The following CEP41 variants were observed in gnomAD, a reference collection of about 807,000 sequenced individuals.
The protein encoded by CEP41 is centrosomal protein 41.
In CEP41, 32 loss-of-function variants were observed where a neutral mutation model predicts 44.3. That is an observed-to-expected ratio of 0.72 (90% CI 0.54 to 0.97). The LOEUF (loss-of-function observed/expected upper bound fraction) is 0.97. CEP41 is among the 50% of genes least tolerant of loss of function. The pLI, the probability that CEP41 is intolerant of heterozygous loss-of-function variation, is 0.00. For missense variants in CEP41, 432 were observed against 455.2 expected, an observed-to-expected ratio of 0.95 and a Z score of 0.46; for synonymous variants, 151 against 168.5, an observed-to-expected ratio of 0.90 and a Z score of 0.80.
intron 2 of CEP41, among the ~76,000 whole-genome samples, chr7:130,418,393 C>T (rs1253411509): frequency 6.6e-6 from 1 of 152,216 alleles, no homozygotes; most frequent in Non-Finnish European, 1.5e-5. Context: ...CACATCTCTC[C>T]TGCCCACTGC....
At chr7:130,406,147 T>A (rs1797001845) in intron 5 of CEP41, among the ~76,000 whole-genome samples, 1 of 152,212 alleles carries the variant, frequency 6.6e-6, no homozygotes, top group South Asian at 2.1e-4. Flanking sequence ...AGTTTAAATT[T>A]TTAATACACT....
intron 1 of CEP41, among the ~76,000 whole-genome samples, chr7:130,434,034 T>C (rs1797896499): frequency 6.6e-6 from 1 of 152,206 alleles, no homozygotes; most frequent in South Asian, 2.1e-4. Context: ...GTTTTAAGGG[T>C]TGATCTTCTG....
At chr7:130,422,777 C>T (rs1797546970) in intron 2 of CEP41, among the ~76,000 whole-genome samples, 1 of 152,102 alleles carries the variant, frequency 6.6e-6, no homozygotes, top group South Asian at 2.1e-4. Flanking sequence ...AAAAGCTTTA[C>T]AAGACTAGTT....
In CEP41 at chr7:130,440,937, A is replaced by G. The variant is rs782561380; in HGVS notation, c.30T>C (p.Pro10=). The G allele has an allele frequency of 1.2e-6, 2 of 1,612,220 alleles. No homozygotes were observed. The highest frequency in any genetic ancestry group is 1.7e-6 in the Non-Finnish European group (2 of 1,179,946). ...CCGGCCGAGACCTGGCCCTCACCTCAGGGTTCCCAATGTGCCTCCGGAGGG... is the reference window on the plus strand; with the variant it reads ...CCGGCCGAGACCTGGCCCTCACCTCGGGGTTCCCAATGTGCCTCCGGAGGG... MSLRRHIGN[P]EYLMKRIPQN... is the part of the protein sequence containing the mutation. Residue 10 remains proline (P), a synonymous_variant, in exon 1 of 11, where the codon CCT becomes CCC. Transcript: ENST00000223208.
rs1345946608 is a variant in CEP41 at position 130,395,355 on chromosome 7, T to A, written c.*3536A>T. The stretch of plus-strand genomic sequence containing the variant: ...AATTATATTCCACACATTTGCGGTG[T>A]TTCCTGGGGAAAAAAAAGTATCGTG... On this transcript the variant is annotated 3_prime_UTR_variant, in exon 11 of 11. Coordinates refer to ENST00000223208, the MANE Select transcript of CEP41 (RefSeq NM_018718.3). The A allele has an allele frequency of 4.6e-6, 2 of 430,790 alleles. No homozygotes were observed. The allele number at this position is 430,790 out of a possible 1,614,324, so 26.7% of individuals were successfully genotyped here. A position where few individuals can be genotyped will look rare whatever the true frequency, so the allele number is the denominator to read the frequency against.
intron 2 of CEP41, among the ~76,000 whole-genome samples, chr7:130,418,368 A>G (rs1797398856): frequency 1.3e-5 from 2 of 152,168 alleles, no homozygotes; most frequent in African/African-American, 2.4e-5. Context: ...AGAAGCCACA[A>G]TTTCTTCCTG....
Position 130,399,351 on chromosome 7 carries a change from G to A in CEP41, c.974-312C>T, listed in dbSNP as rs1554416289. 3 of 399,004 alleles carry A rather than the reference G, an allele frequency of 7.5e-6. No homozygotes were observed. The Admixed American group carries it at 1.2e-4, about 15-fold the overall frequency. The allele number at this position is 399,004 out of a possible 1,614,324, so 24.7% of individuals were successfully genotyped here. A position where few individuals can be genotyped will look rare whatever the true frequency, so the allele number is the denominator to read the frequency against. ...GAGGATGCAGACGAGGAGTGATTTGGGGAAAGAAAAGAGAAAGCAGTACGG... is the reference window on the plus strand; with the variant it reads ...GAGGATGCAGACGAGGAGTGATTTGAGGAAAGAAAAGAGAAAGCAGTACGG... On this transcript the variant is annotated intron_variant, in intron 10 of 10. Transcript: ENST00000223208.
intron 7 of CEP41, among the ~76,000 whole-genome samples, chr7:130,402,189 C>CA (rs1463822960): frequency 3.3e-5 from 5 of 151,856 alleles, no homozygotes; most frequent in Non-Finnish European, 7.4e-5. Context: ...ATAAAAAATA[C>CA]AAAAACATTA....
At chr7:130,430,835 C>T (rs1797803071) in intron 1 of CEP41, among the ~76,000 whole-genome samples, 1 of 151,992 alleles carries the variant, frequency 6.6e-6, no homozygotes, top group Non-Finnish European at 1.5e-5. Context: ...AGCAAAGCTT[C>T]TTTTAAAAAT....
At chr7:130,437,795 GA>G (rs1554426548) in intron 1 of CEP41, among the ~76,000 whole-genome samples, 73 of 120,202 alleles carry the variant, frequency 6.1e-4, no homozygotes, top group African/African-American at 2.3e-3. Flanking sequence ...AAAAGAAAAA[GA>G]AAAAAAAAGA....
At position 130,395,515 on chromosome 7, in the gene CEP41, A is replaced by T. The variant is rs534794569; in HGVS notation, c.*3376T>A. The T allele has an allele frequency of 2.4e-4, 107 of 454,140 alleles. 1 individual carries two copies. The highest frequency in any genetic ancestry group is 2.1e-3 in the Middle Eastern group (3 of 1,444). 28.1% of individuals were successfully genotyped at this position (454,140 alleles called of 1,614,324 possible). A position where few individuals can be genotyped will look rare whatever the true frequency, so the allele number is the denominator to read the frequency against. On this transcript the variant is annotated 3_prime_UTR_variant, in exon 11 of 11. Transcript: ENST00000223208. ...AGCAAGAAGGTGGTCATGGATTTAA[A>T]TCCAGGTGGACAGAAACTAATTATT...
chr7:130,423,206 C>CA (rs1797561575), intron 2 of CEP41, among the ~76,000 whole-genome samples: 1 of 152,188 alleles, frequency 6.6e-6, no homozygotes, highest in African/African-American at 2.4e-5. Context: ...CCTCGGCCTC[C>CA]CAAAGTGCTG....
At chr7:130,438,175 A>G (rs782246792) in intron 1 of CEP41, among the ~76,000 whole-genome samples, 4 of 152,218 alleles carry the variant, frequency 2.6e-5, no homozygotes, top group African/African-American at 4.8e-5. Flanking sequence ...CTCAAAGCTA[A>G]TCAGGAAGTA....
chr7:130,400,603 T>G (rs1204407129), intron 9 of CEP41, 104 bp downstream of exon 9: 11 of 813,410 alleles, frequency 1.4e-5, no homozygotes, highest in Non-Finnish European at 2.3e-5. Flanking sequence ...CTTTTTCTCT[T>G]TCCAGAACAC....
intron 2 of CEP41, 57 bp from the exon 3 acceptor site, chr7:130,417,023 C>T: frequency 7.1e-7 from 1 of 1,401,484 alleles, no homozygotes; most frequent in Non-Finnish European, 1.0e-6. Context: ...ATGAGTAACA[C>T]TGTGGAAACA....
Position 130,402,794 on chromosome 7 carries a change from A to G in CEP41, c.428T>C (p.Ile143Thr), listed in dbSNP as rs782614635. 5.0e-6 allele frequency: 8 copies of G among 1,614,132 alleles called. No individual in the cohort carries two copies. The South Asian group carries it at 8.8e-5, about 18-fold the overall frequency. ...DSSRSTLQSV[I>T]SGVGELDLDK... ...TAGATCCAGTTCCCCAACACCACTG[A>G]TGACACTGCAAGTGAAAAAGTAGGT... The change falls in exon 7 of 11, where the codon ATC becomes ACC. Residue 143 changes from isoleucine (I) to threonine (T), a missense_variant. Ile to Thr is a moderately conservative substitution (Grantham distance 89). Coordinates refer to ENST00000223208, the MANE Select transcript of CEP41 (RefSeq NM_018718.3).
intron 4 of CEP41, 76 bp downstream of exon 4, chr7:130,412,103 A>G: frequency 1.2e-6 from 1 of 837,218 alleles, no homozygotes; most frequent in East Asian, 2.4e-5. Flanking sequence ...AACTTTCCCT[A>G]GAGTTGAATT....
chr7:130,404,217 A>G (rs1439926409), intron 6 of CEP41, among the ~76,000 whole-genome samples: 34 of 152,226 alleles, frequency 2.2e-4, no homozygotes, highest in Admixed American at 2.2e-3. Context: ...TATAAGCTTC[A>G]GCAGTCGGAA....
chr7:130,421,899 C>T (rs1797519858), intron 2 of CEP41: 1 of 1,529,038 alleles, frequency 6.5e-7, no homozygotes, highest in African/African-American at 1.4e-5. Flanking sequence ...TATACAAGAA[C>T]CCTGCGGTGG....
Sources: gnomAD v4.1 joint callset for allele counts (sites outside exome capture counted in the v4.1 genomes callset) on GRCh38, gnomAD v4.1.1 for gene constraint, MANE v1.5 for transcripts, NCBI Gene and HGNC (gene_info 2026-07-23, HGNC 2026-07-21) for gene names.